The following NTM variants were observed in gnomAD, a reference collection of about 807,000 sequenced individuals.
NTM encodes the protein IgLON family member 2.
A neutral mutation model predicts 42.1 loss-of-function variants in NTM; 13 were observed. That is an observed-to-expected ratio of 0.31 (90% CI 0.20 to 0.49). The LOEUF (loss-of-function observed/expected upper bound fraction) is 0.49, where lower values mean the gene tolerates loss of function less well. NTM is among the 20% of genes least tolerant of loss of function. The pLI is 0.99. For synonymous variants in NTM, 187 were observed against 179.2 expected (o/e 1.04, Z -0.35); for missense variants, 373 against 452.8 (o/e 0.82, Z 1.60).
intron 1 of NTM, among the ~76,000 whole-genome samples, chr11:131,613,545 A>G (rs1438843365): frequency 6.6e-6 from 1 of 152,162 alleles, no homozygotes; most frequent in African/African-American, 2.4e-5. Context: ...CGCTTCTTTC[A>G]AACCTAGTAA....
chr11:132,123,614 T>C (rs2065191589), intron 2 of NTM, among the ~76,000 whole-genome samples: 1 of 152,230 alleles, frequency 6.6e-6, no homozygotes, highest in African/African-American at 2.4e-5. Flanking sequence ...GTCCTTCCCA[T>C]ACACAATGCT....
rs548251174 is a variant in NTM, at chr11:131,549,090, A to T, written c.82+178202A>T. ...GCTCCTCATCTCCACCATTTACTAC[A>T]CTTTTTAGTTCCCCACAAGCGATAT... On this transcript the variant is annotated intron_variant, in intron 1 of 8. Coordinates refer to ENST00000683400, the MANE Select transcript of NTM (RefSeq NM_001352005.2). Among the ~76,000 whole-genome samples, 13 of 152,316 alleles carry T rather than the reference A, an allele frequency of 8.5e-5. No individual in the cohort carries two copies. In the East Asian group the frequency reaches 2.3e-3, roughly 27 times the overall value.
intron 1 of NTM, among the ~76,000 whole-genome samples, chr11:131,872,623 A>G (rs1397284587): frequency 6.6e-6 from 1 of 152,224 alleles, no homozygotes; most frequent in African/African-American, 2.4e-5. Context: ...TTGAAAGAAT[A>G]TGAATGGTGT....
chr11:132,005,154 A>T (rs1049675139), intron 2 of NTM, among the ~76,000 whole-genome samples: 1 of 152,144 alleles, frequency 6.6e-6, no homozygotes, highest in Non-Finnish European at 1.5e-5. Flanking sequence ...AGTCTAAAAA[A>T]ATATCACTCT....
At chr11:132,245,739 C>T (rs1462011730) in intron 4 of NTM, among the ~76,000 whole-genome samples, 1 of 152,080 alleles carries the variant, frequency 6.6e-6, no homozygotes, top group East Asian at 1.9e-4. Context: ...CTTAGTATCC[C>T]TTCCCCTCAT....
chr11:132,279,802 A>T (rs2093897594), intron 4 of NTM, among the ~76,000 whole-genome samples: 1 of 152,152 alleles, frequency 6.6e-6, no homozygotes, highest in Non-Finnish European at 1.5e-5. Context: ...TGTGGACTTA[A>T]CACTCTGCAT....
rs953501958 is a variant in NTM, at chr11:131,536,324, C to A, written c.82+165436C>A. Among the ~76,000 whole-genome samples, 8 of 152,172 alleles carry A rather than the reference C, an allele frequency of 5.3e-5. 1 individual carries two copies. The highest frequency in any genetic ancestry group is 2.0e-4 in the Admixed American group (3 of 15,274). ...AGAGAGCAAACCAATGGCACATGAG[C>A]AGACAGCACCAACAATGAGCGATTA... On this transcript the variant is annotated intron_variant, in intron 1 of 8. Coordinates refer to ENST00000683400, the MANE Select transcript of NTM (RefSeq NM_001352005.2).
At chr11:131,697,854 T>C (rs573533360) in intron 1 of NTM, among the ~76,000 whole-genome samples, 1 of 152,322 alleles carries the variant, frequency 6.6e-6, no homozygotes, top group Non-Finnish European at 1.5e-5. Flanking sequence ...CTGTGCTTGG[T>C]AATTTGGACT....
intron 4 of NTM, among the ~76,000 whole-genome samples, chr11:132,259,776 GTCTC>G (rs1435256006): frequency 3.9e-5 from 6 of 151,942 alleles, no homozygotes; most frequent in Admixed American, 2.6e-4. Context: ...TTGAGACGGA[GTCTC>G]TCTCTGTCGC....
chr11:131,495,551 G>C (rs775618450), intron 1 of NTM, among the ~76,000 whole-genome samples: 2 of 152,246 alleles, frequency 1.3e-5, no homozygotes, highest in Non-Finnish European at 2.9e-5. Context: ...TGCGGTGCTG[G>C]GCCAGTGTGG....
At chr11:131,439,837 T>A (rs1182065968) in intron 1 of NTM, among the ~76,000 whole-genome samples, 2 of 151,998 alleles carry the variant, frequency 1.3e-5, no homozygotes, top group Non-Finnish European at 2.9e-5. Context: ...CTAGTCCCAG[T>A]GAGATGAACC....
At chr11:131,603,894 C>T (rs2060698064) in intron 1 of NTM, among the ~76,000 whole-genome samples, 1 of 152,056 alleles carries the variant, frequency 6.6e-6, no homozygotes, top group Non-Finnish European at 1.5e-5. Context: ...AAATAATATC[C>T]CATTGTGTAG....
chr11:131,933,209 C>T (rs528144531), intron 2 of NTM, among the ~76,000 whole-genome samples: 2 of 152,324 alleles, frequency 1.3e-5, no homozygotes, highest in South Asian at 4.1e-4. Flanking sequence ...CAATTGGCTC[C>T]TGGTCCTGGG....
chr11:131,444,428 C>A (rs544219940), intron 1 of NTM, among the ~76,000 whole-genome samples: 42 of 152,154 alleles, frequency 2.8e-4, no homozygotes, highest in African/African-American at 9.9e-4. Flanking sequence ...ACAAATTTTG[C>A]AGTTAGGAGG....
At chr11:132,316,621 T>C (rs77940548) in intron 7 of NTM, among the ~76,000 whole-genome samples, 4,998 of 152,156 alleles carry the variant, frequency 0.033, 266 homozygotes, top group African/African-American at 0.11. Flanking sequence ...GGAGAAAAAG[T>C]TTGCAGGATG....
intron 1 of NTM, among the ~76,000 whole-genome samples, chr11:131,665,800 G>C (rs956480342): frequency 6.6e-6 from 1 of 152,324 alleles, no homozygotes; most frequent in East Asian, 1.9e-4. Context: ...AGGCAGGCTT[G>C]TGAGACAAAT....
intron 1 of NTM, among the ~76,000 whole-genome samples, chr11:131,837,956 G>A (rs944178220): frequency 1.3e-5 from 2 of 152,156 alleles, no homozygotes; most frequent in Non-Finnish European, 2.9e-5. Flanking sequence ...TTTCAGACAG[G>A]TTGGCCTAAT....
chr11:131,493,176 C>T (rs1954977801), intron 1 of NTM, among the ~76,000 whole-genome samples: 1 of 152,002 alleles, frequency 6.6e-6, no homozygotes, highest in Non-Finnish European at 1.5e-5. Context: ...GAGGTTGATG[C>T]CGTAGTGAGC....
chr11:132,330,987 T>C (rs2136444800), intron 8 of NTM, among the ~76,000 whole-genome samples: 1 of 152,346 alleles, frequency 6.6e-6, no homozygotes, highest in African/African-American at 2.4e-5. Flanking sequence ...TCATCTCATC[T>C]CATGGAATCC....
Sources: allele counts gnomAD v4.1 joint callset (sites outside exome capture counted in the v4.1 genomes callset), GRCh38; gene constraint gnomAD v4.1.1; transcripts MANE v1.5; gene names NCBI Gene and HGNC (gene_info 2026-07-23, HGNC 2026-07-21).